The following SPCS2 variants were observed in gnomAD, a reference collection of about 807,000 sequenced individuals.
SPCS2 encodes SPase 25 kDa subunit.
Under a neutral mutation model 22.3 loss-of-function variants are expected in SPCS2, and 3 were observed. The ratio of observed to expected loss-of-function variants is 0.13; its 90% CI spans 0.06 to 0.35. The LOEUF is 0.35. Ranked by LOEUF, SPCS2 falls within the 10% of genes least tolerant of loss-of-function variation. The pLI is 1.00. For synonymous variants in SPCS2, 67 were observed against 97.2 expected (o/e 0.69, Z 1.83); for missense variants, 169 against 280.9 (o/e 0.60, Z 2.85).
intron 1 of SPCS2, among the ~76,000 whole-genome samples, chr11:74,953,477 G>C (rs571867858): frequency 6.6e-6 from 1 of 152,126 alleles, no homozygotes; most frequent in Admixed American, 6.5e-5. Flanking sequence ...ACAAGCGTGC[G>C]CCACCACACC....
Position 74,960,087 on chromosome 11 carries a change from T to G in SPCS2, c.115-4947T>G, listed in dbSNP as rs1948503339. Among the ~76,000 whole-genome samples, 3 of 152,190 alleles carry G rather than the reference T, an allele frequency of 2.0e-5. No individual in the cohort carries two copies. In the South Asian group the frequency reaches 6.2e-4, roughly 31 times the overall value. ...TATCTTGGCCGGGTGTGGTGGCACT[T>G]TGGGAGGCTGAGGTACGTGGATCAC... On this transcript the variant is annotated intron_variant, in intron 1 of 4. Transcript: ENST00000263672.
Position 74,978,075 on chromosome 11 carries a change from T to C in SPCS2, c.*1032T>C, listed in dbSNP as rs1418891985. The C allele has an allele frequency of 1.3e-5, 2 of 152,170 alleles. No homozygotes were observed. Among genetic ancestry groups the C allele is most frequent in the African/African-American group, 2.4e-5 (1 of 41,438 alleles). The allele number at this position is 152,170 out of a possible 1,614,324, so 9.4% of individuals were successfully genotyped here. On this transcript the variant is annotated 3_prime_UTR_variant, in exon 5 of 5. Transcript: ENST00000263672. ...TAGTGATAGAACTGGGATTCAAACC[T>C]GGGGAGTCCGGCTTCAGAGTTTGTG...
intron 4 of SPCS2, among the ~76,000 whole-genome samples, chr11:74,970,061 A>G (rs73496947): frequency 0.055 from 8,342 of 152,282 alleles, 304 homozygotes; most frequent in South Asian, 0.2. Flanking sequence ...CACGAATACA[A>G]TCAAGAATAT....
intron 1 of SPCS2, among the ~76,000 whole-genome samples, chr11:74,954,073 C>T (rs900984339): frequency 6.6e-6 from 1 of 152,150 alleles, no homozygotes; most frequent in Non-Finnish European, 1.5e-5. Flanking sequence ...GTCTCTATTA[C>T]CTCTGCATTT....
chr11:74,959,573 A>AT (rs1002802491), intron 1 of SPCS2, among the ~76,000 whole-genome samples: 2 of 152,038 alleles, frequency 1.3e-5, no homozygotes, highest in African/African-American at 4.8e-5. Context: ...TTTAAATTAC[A>AT]TTTTTTTGTA....
intron 1 of SPCS2, among the ~76,000 whole-genome samples, chr11:74,953,369 A>G (rs1591734412): frequency 6.6e-6 from 1 of 151,870 alleles, no homozygotes; most frequent in Admixed American, 6.6e-5. Flanking sequence ...ATTTTTGTAT[A>G]TTTAGTAGAG....
intron 4 of SPCS2, among the ~76,000 whole-genome samples, chr11:74,970,939 C>T (rs912514892): frequency 1.3e-5 from 2 of 152,176 alleles, no homozygotes; most frequent in Middle Eastern, 3.4e-3. Context: ...CAGATATTTG[C>T]AACCATTATC....
rs369427124 is a variant in SPCS2 at position 74,978,678 on chromosome 11, T to C, written c.*1635T>C. On this transcript the variant is annotated 3_prime_UTR_variant, in exon 5 of 5. Transcript: ENST00000263672. ...AATGTAAATGCTATGTAAATAGTTA[T>C]ACTGCATTGGTTTTTTAATTTATAT... 4.6e-5 allele frequency: 7 copies of C among 152,362 alleles called. No individual in the cohort carries two copies. Among genetic ancestry groups the C allele is most frequent in the East Asian group, 1.9e-4 (1 of 5,190 alleles). 9.4% of individuals were successfully genotyped at this position (152,362 alleles called of 1,614,324 possible).
At chr11:74,963,466 C>T (rs1329075010) in intron 1 of SPCS2, 3 of 300,508 alleles carry the variant, frequency 1.0e-5, no homozygotes, top group African/African-American at 6.9e-5. Flanking sequence ...AAAAAAAAAA[C>T]AAGGTTGATG....
intron 1 of SPCS2, among the ~76,000 whole-genome samples, chr11:74,954,960 A>G (rs1399180111): frequency 6.6e-6 from 1 of 152,248 alleles, no homozygotes; most frequent in Non-Finnish European, 1.5e-5. Context: ...CCCATAGCAC[A>G]TGGAAAGATG....
chr11:74,955,094 AT>A (rs1255606318), intron 1 of SPCS2, among the ~76,000 whole-genome samples: 19 of 152,348 alleles, frequency 1.2e-4, no homozygotes, highest in African/African-American at 4.6e-4. Flanking sequence ...TGGTGAGAAT[AT>A]GGAGAAATCA....
At chr11:74,966,298 A>T (rs930734084) in intron 3 of SPCS2, among the ~76,000 whole-genome samples, 1 of 152,190 alleles carries the variant, frequency 6.6e-6, no homozygotes, top group South Asian at 2.1e-4. Flanking sequence ...TTAGGAAAGG[A>T]TCTGATTTTG....
intron 4 of SPCS2, 90 bp from the exon 5 acceptor site, chr11:74,976,763 TACTC>T: frequency 2.0e-6 from 3 of 1,512,258 alleles, no homozygotes; most frequent in Non-Finnish European, 9.1e-7. Context: ...GTGCCCAGCT[TACTC>T]CTTTTCTTCG....
intron 1 of SPCS2, chr11:74,949,712 C>T (rs192057024): frequency 2.1e-6 from 1 of 465,550 alleles, no homozygotes; most frequent in African/African-American, 2.0e-5. Flanking sequence ...GCTGGGTGCA[C>T]TGTTGTCAGT....
intron 1 of SPCS2, among the ~76,000 whole-genome samples, chr11:74,954,391 G>T (rs1477976511): frequency 6.6e-6 from 1 of 152,240 alleles, no homozygotes; most frequent in African/African-American, 2.4e-5. Context: ...TCCCATACCA[G>T]AGTGTGCCTT....
At chr11:74,950,662 G>C (rs1329445613) in intron 1 of SPCS2, among the ~76,000 whole-genome samples, 1 of 152,136 alleles carries the variant, frequency 6.6e-6, no homozygotes, top group Non-Finnish European at 1.5e-5. Context: ...CCAGCTTCCT[G>C]AGTAGCTGGG....
intron 4 of SPCS2, among the ~76,000 whole-genome samples, chr11:74,970,132 G>GT: frequency 6.6e-6 from 1 of 152,310 alleles, no homozygotes; most frequent in South Asian, 2.1e-4. Context: ...TCTGACCAGT[G>GT]TCAGGTATAA....
intron 1 of SPCS2, among the ~76,000 whole-genome samples, chr11:74,960,865 T>C (rs902802662): frequency 6.6e-6 from 1 of 152,158 alleles, no homozygotes; most frequent in Non-Finnish European, 1.5e-5. Context: ...ATTCAGGAAA[T>C]GGTAGCTATG....
chr11:74,966,022 G>T (rs2140218398), intron 3 of SPCS2, 99 bp downstream of exon 3: 6 of 1,082,648 alleles, frequency 5.5e-6, no homozygotes, highest in African/African-American at 1.6e-5. Context: ...TCATATTAGG[G>T]CTTGCTAATG....
Sources: gnomAD v4.1 joint callset for allele counts (sites outside exome capture counted in the v4.1 genomes callset) on GRCh38, gnomAD v4.1.1 for gene constraint, MANE v1.5 for transcripts, NCBI Gene and HGNC (gene_info 2026-07-23, HGNC 2026-07-21) for gene names.